ST6GALNAC3: variants seen among roughly 807,000 people sequenced by gnomAD.
ST6GALNAC3 encodes the protein alpha-N-acetylgalactosaminide alpha-2,6-sialyltransferase 3.
Under a neutral mutation model 32.7 loss-of-function variants are expected in ST6GALNAC3, and 25 were observed. The observed-to-expected ratio is 0.76, with a 90% CI of 0.56 to 1.07. The LOEUF is 1.07. Ranked by LOEUF, ST6GALNAC3 falls within the 50% of genes least tolerant of loss-of-function variation. ST6GALNAC3 has a pLI of 0.00. For synonymous variants in ST6GALNAC3, 129 were observed against 133.1 expected (o/e 0.97, Z 0.21); for missense variants, 355 against 382.4 (o/e 0.93, Z 0.60).
At chr1:76,361,715 A>G (rs1649954458) in intron 2 of ST6GALNAC3, among the ~76,000 whole-genome samples, 1 of 152,184 alleles carries the variant, frequency 6.6e-6, no homozygotes, top group South Asian at 2.1e-4. Flanking sequence ...ATGGTGGCTT[A>G]TGCCTGTAAT....
At chr1:76,118,021 T>G (rs987532038) in intron 1 of ST6GALNAC3, among the ~76,000 whole-genome samples, 2 of 152,232 alleles carry the variant, frequency 1.3e-5, no homozygotes, top group Admixed American at 1.3e-4. Flanking sequence ...GTGCAGAATG[T>G]GCAGGTTTAT....
chr1:76,285,743 A>T (rs1659738611), intron 1 of ST6GALNAC3, among the ~76,000 whole-genome samples: 2 of 152,136 alleles, frequency 1.3e-5, no homozygotes, highest in Non-Finnish European at 2.9e-5. Context: ...CAACCTCCTG[A>T]TAGATAGATG....
chr1:76,466,619 C>A (rs1027901688), intron 3 of ST6GALNAC3, among the ~76,000 whole-genome samples: 1 of 152,042 alleles, frequency 6.6e-6, no homozygotes, highest in African/African-American at 2.4e-5. Flanking sequence ...AATTACACTT[C>A]TGAGAATTTT....
At chr1:76,583,118 C>T (rs932345846) in intron 3 of ST6GALNAC3, among the ~76,000 whole-genome samples, 2 of 152,078 alleles carry the variant, frequency 1.3e-5, no homozygotes, top group East Asian at 1.9e-4. Context: ...GAGACTATAC[C>T]GGATGCTGTC....
At chr1:76,596,485 A>C (rs1647139019) in intron 3 of ST6GALNAC3, among the ~76,000 whole-genome samples, 1 of 152,180 alleles carries the variant, frequency 6.6e-6, no homozygotes, top group Non-Finnish European at 1.5e-5. Context: ...ACTGAAAATA[A>C]TTTCTTCTTG....
intron 1 of ST6GALNAC3, among the ~76,000 whole-genome samples, chr1:76,119,419 C>T (rs192914274): frequency 2.2e-4 from 34 of 152,250 alleles, no homozygotes; most frequent in Admixed American, 2.1e-3. Context: ...GTCAGACTGC[C>T]ATGTTCCATT....
intron 3 of ST6GALNAC3, among the ~76,000 whole-genome samples, chr1:76,582,951 T>C (rs1203377851): frequency 6.6e-6 from 1 of 152,194 alleles, no homozygotes; most frequent in Non-Finnish European, 1.5e-5. Context: ...CATTTAATAC[T>C]GCCCCTGCAG....
chr1:76,090,699 G>T (rs118190851), intron 1 of ST6GALNAC3, among the ~76,000 whole-genome samples: 1 of 152,272 alleles, frequency 6.6e-6, no homozygotes, highest in East Asian at 1.9e-4. Context: ...CTACTCTAGG[G>T]TCTTTTCAGG....
chr1:76,115,547 A>G (rs145412532), intron 1 of ST6GALNAC3, among the ~76,000 whole-genome samples: 1 of 152,172 alleles, frequency 6.6e-6, no homozygotes, highest in Non-Finnish European at 1.5e-5. Flanking sequence ...GAACCTTGAT[A>G]TTGTGGGATT....
intron 1 of ST6GALNAC3, among the ~76,000 whole-genome samples, chr1:76,204,497 G>A (rs1654709855): frequency 6.6e-6 from 1 of 152,146 alleles, no homozygotes; most frequent in Non-Finnish European, 1.5e-5. Context: ...GTGGAACTGG[G>A]TGCTCTGGGA....
At chr1:76,593,217 T>TG (rs1235341962) in intron 3 of ST6GALNAC3, among the ~76,000 whole-genome samples, 1 of 152,192 alleles carries the variant, frequency 6.6e-6, no homozygotes, top group Non-Finnish European at 1.5e-5. Context: ...GTAATTAGTA[T>TG]GATGTCTTTG....
intron 2 of ST6GALNAC3, among the ~76,000 whole-genome samples, chr1:76,378,754 G>C (rs1651459778): frequency 6.6e-6 from 1 of 152,144 alleles, no homozygotes; most frequent in Non-Finnish European, 1.5e-5. Flanking sequence ...CATGCAGAAT[G>C]GTCATCTTAG....
At chr1:76,364,276 C>T (rs559376510) in intron 2 of ST6GALNAC3, among the ~76,000 whole-genome samples, 3 of 152,224 alleles carry the variant, frequency 2.0e-5, no homozygotes, top group South Asian at 2.1e-4. Context: ...TGGTCAGGCG[C>T]GGTGGCTCAT....
intron 2 of ST6GALNAC3, among the ~76,000 whole-genome samples, chr1:76,367,253 T>G (rs542316004): frequency 6.6e-6 from 1 of 152,236 alleles, no homozygotes; most frequent in African/African-American, 2.4e-5. Flanking sequence ...ATACATTAAG[T>G]AAATATGTAT....
At chr1:76,097,394 A>G (rs1195937638) in intron 1 of ST6GALNAC3, among the ~76,000 whole-genome samples, 2 of 152,112 alleles carry the variant, frequency 1.3e-5, no homozygotes, top group African/African-American at 2.4e-5. Context: ...GTGAGTTCTC[A>G]TGAGATCTTA....
intron 1 of ST6GALNAC3, among the ~76,000 whole-genome samples, chr1:76,302,050 A>G (rs1660758762): frequency 6.6e-6 from 1 of 152,006 alleles, no homozygotes; most frequent in South Asian, 2.1e-4. Context: ...CCCTAGAATG[A>G]TGATGGTGGT....
At chr1:76,263,524 C>T (rs1025354254) in intron 1 of ST6GALNAC3, among the ~76,000 whole-genome samples, 4 of 152,100 alleles carry the variant, frequency 2.6e-5, no homozygotes, top group African/African-American at 9.7e-5. Context: ...CAGAAGGTAG[C>T]TCAGTTAAGT....
intron 3 of ST6GALNAC3, among the ~76,000 whole-genome samples, chr1:76,582,022 A>G (rs1472388000): frequency 1.3e-5 from 2 of 152,120 alleles, no homozygotes; most frequent in Non-Finnish European, 2.9e-5. Context: ...AAATCTTTTT[A>G]CGCCGCTTGT....
At chr1:76,545,240 C>T (rs1020279360) in intron 3 of ST6GALNAC3, among the ~76,000 whole-genome samples, 3 of 152,170 alleles carry the variant, frequency 2.0e-5, no homozygotes, top group South Asian at 2.1e-4. Flanking sequence ...TTATGACATC[C>T]GTTCTGTCCT....
Sources: allele counts gnomAD v4.1 joint callset (sites outside exome capture counted in the v4.1 genomes callset), GRCh38; gene constraint gnomAD v4.1.1; transcripts MANE v1.5; gene names NCBI Gene and HGNC (gene_info 2026-07-23, HGNC 2026-07-21).